Variants in C6orf132 observed in about 807,000 individuals in gnomAD.
C6orf132 encodes uncharacterized protein C6orf132.
Under a neutral mutation model 65.3 loss-of-function variants are expected in C6orf132, and 43 were observed. That is an observed-to-expected ratio of 0.66 (90% CI 0.52 to 0.85). The LOEUF is 0.85. Among genes scored for constraint, C6orf132 ranks in the 40% least tolerant of loss-of-function variants. C6orf132 has a pLI of 0.00. For synonymous variants in C6orf132, 631 were observed against 654.1 expected, an observed-to-expected ratio of 0.96 and a Z score of 0.54; for missense variants, 1,488 against 1,548.8, an observed-to-expected ratio of 0.96 and a Z score of 0.66.
At chr6:42,119,579 T>A (rs1189107046) in intron 2 of C6orf132, among the ~76,000 whole-genome samples, 1 of 151,564 alleles carries the variant, frequency 6.6e-6, no homozygotes, top group Non-Finnish European at 1.5e-5. Flanking sequence ...ACTCCTGGCC[T>A]CCAGTGATCC....
At chr6:42,136,213 AGGAATCATATCT>A (rs1371526305) in intron 1 of C6orf132, among the ~76,000 whole-genome samples, 37 of 151,238 alleles carry the variant, frequency 2.4e-4, no homozygotes, top group African/African-American at 8.5e-4. Context: ...AAATGGGCCT[AGGAATCATATCT>A]GGATTCACAT....
At chr6:42,121,774 A>G (rs1766689861) in intron 2 of C6orf132, among the ~76,000 whole-genome samples, 1 of 152,104 alleles carries the variant, frequency 6.6e-6, no homozygotes, top group South Asian at 2.1e-4. Context: ...GCAGAGTGGG[A>G]GGGAGATGAC....
At chr6:42,125,747 C>T (rs1766754277) in intron 2 of C6orf132, among the ~76,000 whole-genome samples, 1 of 152,218 alleles carries the variant, frequency 6.6e-6, no homozygotes, top group African/African-American at 2.4e-5. Context: ...CCTGACCAGC[C>T]AGCCCAGCCC....
At chr6:42,131,949 GT>G (rs778330542) in intron 1 of C6orf132, among the ~76,000 whole-genome samples, 2 of 152,222 alleles carry the variant, frequency 1.3e-5, no homozygotes, top group Non-Finnish European at 1.5e-5. Flanking sequence ...CTGAAGAGGA[GT>G]GGGTAGGGGT....
chr6:42,116,372 T>C (rs1766570956), intron 2 of C6orf132, among the ~76,000 whole-genome samples: 1 of 152,010 alleles, frequency 6.6e-6, no homozygotes, highest in Non-Finnish European at 1.5e-5. Context: ...CCACAGCGAG[T>C]TATGGATCAC....
At chr6:42,128,100 T>TTA (rs547026828) in intron 2 of C6orf132, among the ~76,000 whole-genome samples, 1,555 of 151,502 alleles carry the variant, frequency 0.01, 31 homozygotes, top group African/African-American at 0.035. Flanking sequence ...TTTTTTTTTT[T>TTA]TATATTTAGT....
At chr6:42,111,328 T>C (rs1215171126) in intron 2 of C6orf132, among the ~76,000 whole-genome samples, 1 of 146,110 alleles carries the variant, frequency 6.8e-6, no homozygotes, top group African/African-American at 2.6e-5. Context: ...TCACCCAGGC[T>C]GGAGTGTAAT....
chr6:42,110,347 A>C, intron 2 of C6orf132, 56 bp from the exon 3 acceptor site: 67 of 1,404,668 alleles, frequency 4.8e-5, no homozygotes, highest in Non-Finnish European at 6.0e-5. Flanking sequence ...GATAATTCTC[A>C]AACTGCTGCT....
Position 42,102,803 on chromosome 6 carries a change from C to T in C6orf132, c.*958G>A, listed in dbSNP as rs1484824593. On this transcript the variant is annotated 3_prime_UTR_variant, in exon 5 of 5. Coordinates refer to ENST00000341865, the MANE Select transcript of C6orf132 (RefSeq NM_001164446.3). ...TCCCATCTCTGCTGCCTCCACTCTC[C>T]AAGGCTTTCTAGCATCTTAAGGCAT... is the stretch of plus-strand genomic sequence containing the variant. The T allele has an allele frequency of 3.0e-6, 1 of 330,098 alleles. No homozygotes were observed. The highest frequency in any genetic ancestry group is 5.5e-6 in the Non-Finnish European group (1 of 182,910). The allele number at this position is 330,098 out of a possible 1,614,324, so 20.4% of individuals were successfully genotyped here. A position where few individuals can be genotyped will look rare whatever the true frequency, so the allele number is the denominator to read the frequency against.
chr6:42,120,024 G>T (rs1461751054), intron 2 of C6orf132, among the ~76,000 whole-genome samples: 1 of 151,558 alleles, frequency 6.6e-6, no homozygotes. Flanking sequence ...AACCCGGGAG[G>T]CAGAGGTTGC....
intron 3 of C6orf132, among the ~76,000 whole-genome samples, chr6:42,109,869 A>AAGTG (rs1234927867): frequency 6.6e-6 from 1 of 151,700 alleles, no homozygotes; most frequent in African/African-American, 2.4e-5. Flanking sequence ...AGGAGGGGTG[A>AAGTG]AGTGTCTTGC....
Position 42,104,892 on chromosome 6 carries a change from C to T in C6orf132, c.3020G>A (p.Gly1007Asp), listed in dbSNP as rs1000268462. ...EPPAPALQYLGRQSSPPRNNY... is the reference protein window; with the variant it reads ...EPPAPALQYLDRQSSPPRNNY... ...GTTCCGGGGAGGGGAGCTCTGGCGG[C>T]CCAGATACTGGAGGGCCGGGGCCGG... The change falls in exon 4 of 5, where the codon GGC becomes GAC. Residue 1007 changes from glycine (G) to aspartate (D), a missense_variant. Physicochemically the swap from Gly to Asp is moderately conservative, Grantham distance 94 (BLOSUM62 -1). Coordinates refer to ENST00000341865, the MANE Select transcript of C6orf132 (RefSeq NM_001164446.3). The surrounding 1 kb of genome is among the most constrained non-coding windows in gnomAD (Gnocchi z 4.1). 1.4e-6 allele frequency: 2 copies of T among 1,450,958 alleles called. No individual in the cohort carries two copies. The highest frequency in any genetic ancestry group is 1.9e-4 in the Middle Eastern group (1 of 5,354). The allele number at this position is 1,450,958 out of a possible 1,614,324, so 89.9% of individuals were successfully genotyped here.
In C6orf132 at chr6:42,104,354, G is replaced by T. The variant is rs189292054; in HGVS notation, c.3449+109C>A. The T allele has an allele frequency of 3.6e-3, 4,390 of 1,222,826 alleles. 8 individuals are homozygous for T. Among genetic ancestry groups the T allele is most frequent in the Non-Finnish European group, 4.3e-3 (4,187 of 982,514 alleles). The allele number at this position is 1,222,826 out of a possible 1,614,324, so 75.7% of individuals were successfully genotyped here. The stretch of plus-strand genomic sequence containing the variant: ...CCTCCCGCGTTCTACCTGCAAGGCC[G>T]AAGGGAGAAAACCAAATGTTTTCTC... On this transcript the variant is annotated intron_variant, in intron 4 of 4. Coordinates refer to ENST00000341865, the MANE Select transcript of C6orf132 (RefSeq NM_001164446.3). The surrounding 1 kb of genome is among the most constrained non-coding windows in gnomAD (Gnocchi z 4.1).
At chr6:42,129,547 A>G (rs1003167148) in intron 1 of C6orf132, among the ~76,000 whole-genome samples, 3 of 152,186 alleles carry the variant, frequency 2.0e-5, no homozygotes, top group African/African-American at 7.2e-5. Flanking sequence ...CTTCCCCTGT[A>G]GGAAGATGAT....
intron 1 of C6orf132, among the ~76,000 whole-genome samples, chr6:42,132,864 A>AAAAAAAAAAAAAAG (rs1300102491): frequency 4.7e-5 from 7 of 148,574 alleles, no homozygotes; most frequent in Admixed American, 4.0e-4. Flanking sequence ...CTCAAAAAAA[A>AAAAAAAAAAAAAAG]AAAAGAAAAG....
rs1162750012 is a variant in C6orf132 at position 42,106,922 on chromosome 6, G to T, written c.990C>A (p.Ala330=). The change falls in exon 4 of 5, where the codon GCC becomes GCA. Residue 330 remains alanine (A), a synonymous_variant. Transcript: ENST00000341865. ...AQEAPRKEEG[A]TKKAPSRLPL... Reference sequence around the variant, plus strand: ...GGAGTCGGCTGGGAGCCTTCTTGGTGGCCCCCTCTTCCTTTCGGGGAGCCT... The same window carrying T: ...GGAGTCGGCTGGGAGCCTTCTTGGTTGCCCCCTCTTCCTTTCGGGGAGCCT... The T allele has an allele frequency of 6.5e-7, 1 of 1,536,300 alleles. No homozygotes were observed. Among genetic ancestry groups the T allele is most frequent in the South Asian group, 1.2e-5 (1 of 84,010 alleles).
chr6:42,125,942 G>A (rs1031108077), intron 2 of C6orf132, among the ~76,000 whole-genome samples: 1 of 151,924 alleles, frequency 6.6e-6, no homozygotes, highest in Non-Finnish European at 1.5e-5. Context: ...CAATCAGAAC[G>A]AACTCAGCTG....
At chr6:42,112,752 A>G (rs1336162034) in intron 2 of C6orf132, among the ~76,000 whole-genome samples, 1 of 152,180 alleles carries the variant, frequency 6.6e-6, no homozygotes, top group South Asian at 2.1e-4. Context: ...GGTATCCCCC[A>G]AAGCTGGATG....
At chr6:42,111,490 G>T (rs922146094) in intron 2 of C6orf132, among the ~76,000 whole-genome samples, 3 of 152,012 alleles carry the variant, frequency 2.0e-5, no homozygotes, top group Non-Finnish European at 1.5e-5. Context: ...CACCATGTTG[G>T]CCAGGCTGGT....
Sources: gnomAD v4.1 joint callset for allele counts (sites outside exome capture counted in the v4.1 genomes callset) on GRCh38, gnomAD v4.1.1 for gene constraint, Gnocchi (gnomAD v3.1) non-coding constraint, MANE v1.5 for transcripts, NCBI Gene and HGNC (gene_info 2026-07-23, HGNC 2026-07-21) for gene names.